AKAP13: variants seen among roughly 807,000 people sequenced by gnomAD.
The protein encoded by AKAP13 is A-kinase anchor protein 13.
A neutral mutation model predicts 264.5 loss-of-function variants in AKAP13; 80 were observed. That is an observed-to-expected ratio of 0.30 (90% CI 0.25 to 0.36). The LOEUF (loss-of-function observed/expected upper bound fraction) is 0.36, where lower values mean the gene tolerates loss of function less well. Ranked by LOEUF, AKAP13 falls within the 10% of genes least tolerant of loss-of-function variation. The pLI, the probability that AKAP13 is intolerant of heterozygous loss-of-function variation, is 1.00. For missense variants in AKAP13, 3,712 were observed against 3,435.2 expected (o/e 1.08, Z -2.01); for synonymous variants, 1,380 against 1,250.2 (o/e 1.10, Z -2.19).
At chr15:85,406,065 T>A (rs2071646464) in intron 1 of AKAP13, among the ~76,000 whole-genome samples, 1 of 152,220 alleles carries the variant, frequency 6.6e-6, no homozygotes, top group South Asian at 2.1e-4. Flanking sequence ...TTGCCCAGGC[T>A]GGTTTCAAAC....
At chr15:85,394,794 C>A (rs1343508242) in intron 1 of AKAP13, among the ~76,000 whole-genome samples, 1 of 152,160 alleles carries the variant, frequency 6.6e-6, no homozygotes, top group Non-Finnish European at 1.5e-5. Flanking sequence ...ATGGTATTTG[C>A]TGACTCACCT....
At chr15:85,551,798 A>T (rs1208911179) in intron 5 of AKAP13, among the ~76,000 whole-genome samples, 2 of 152,226 alleles carry the variant, frequency 1.3e-5, no homozygotes, top group Admixed American at 6.5e-5. Context: ...ACAGACCTGG[A>T]GTATAGGGCT....
chr15:85,651,047 G>A (rs2082814403), intron 10 of AKAP13, among the ~76,000 whole-genome samples: 1 of 151,920 alleles, frequency 6.6e-6, no homozygotes, highest in Non-Finnish European at 1.5e-5. Flanking sequence ...TAGTATTTTG[G>A]CAATATTAAG....
At chr15:85,415,020 C>T (rs1014847714) in intron 1 of AKAP13, among the ~76,000 whole-genome samples, 5 of 151,994 alleles carry the variant, frequency 3.3e-5, no homozygotes, top group Admixed American at 2.6e-4. Flanking sequence ...GTTGGGTTTT[C>T]TATGTTGGAG....
chr15:85,700,376 C>G (rs1309630617), intron 17 of AKAP13, among the ~76,000 whole-genome samples: 2 of 152,184 alleles, frequency 1.3e-5, no homozygotes, highest in Admixed American at 6.5e-5. Context: ...TAGGACACCA[C>G]AAGTTATTAG....
chr15:85,650,779 AAAAAAAAAAAACAAC>A (rs1388242978), intron 10 of AKAP13, among the ~76,000 whole-genome samples: 14 of 145,946 alleles, frequency 9.6e-5, no homozygotes, highest in Non-Finnish European at 2.1e-4. Flanking sequence ...AAAAAAAAAA[AAAAAAAAAAAACAAC>A]AAAAACTGCA....
At chr15:85,658,362 T>C (rs1353746333) in intron 11 of AKAP13, among the ~76,000 whole-genome samples, 175 bp from the exon 12 acceptor site, 12 of 152,186 alleles carry the variant, frequency 7.9e-5, no homozygotes. Context: ...CCACAGAAAC[T>C]GTCAGGCCCT....
intron 1 of AKAP13, among the ~76,000 whole-genome samples, chr15:85,397,677 A>G (rs934371142): frequency 6.6e-6 from 1 of 152,190 alleles, no homozygotes; most frequent in Non-Finnish European, 1.5e-5. Context: ...TTACCAGAAA[A>G]GGAAATTGAA....
intron 1 of AKAP13, among the ~76,000 whole-genome samples, chr15:85,470,779 A>C (rs1378407130): frequency 6.6e-6 from 1 of 152,218 alleles, no homozygotes; most frequent in Admixed American, 6.5e-5. Flanking sequence ...AAGCATTGAC[A>C]GTGAAGAGAG....
rs527358727 is a variant in AKAP13 at position 85,385,843 on chromosome 15, C to A, written c.-12+5045C>A. On this transcript the variant is annotated intron_variant, in intron 1 of 36. Coordinates refer to ENST00000394518, the MANE Select transcript of AKAP13 (RefSeq NM_007200.5). ...AATGTCTTTTTTTGTTTGTTTGTTT[C>A]GAGATGGAGTTTGGCTCTGTCACCT... Among the ~76,000 whole-genome samples, 3 of 151,944 alleles carry A rather than the reference C, an allele frequency of 2.0e-5. No homozygotes were observed. In the East Asian group the frequency reaches 5.8e-4, roughly 29 times the overall value.
intron 17 of AKAP13, 77 bp downstream of exon 17, chr15:85,693,528 C>T (rs1702221694): frequency 1.0e-5 from 16 of 1,570,464 alleles, no homozygotes; most frequent in Non-Finnish European, 1.4e-5. Context: ...TTCCTGTCCC[C>T]ACTCATTATC....
At chr15:85,565,010 A>G (rs1210706474) in intron 5 of AKAP13, among the ~76,000 whole-genome samples, 1 of 152,206 alleles carries the variant, frequency 6.6e-6, no homozygotes, top group Non-Finnish European at 1.5e-5. Context: ...AGGATGTTTA[A>G]AAACAATATT....
At chr15:85,662,342 T>G in intron 12 of AKAP13, 1 of 1,602,688 alleles carries the variant, frequency 6.2e-7, no homozygotes, top group Non-Finnish European at 8.5e-7. Flanking sequence ...TCCTGTTTCC[T>G]CTTTTCTCCC....
chr15:85,438,359 G>C (rs866294660), intron 1 of AKAP13, among the ~76,000 whole-genome samples: 2 of 150,750 alleles, frequency 1.3e-5, no homozygotes, highest in Non-Finnish European at 2.9e-5. Flanking sequence ...TCATGGGTAG[G>C]AAGAATCAAT....
intron 19 of AKAP13, among the ~76,000 whole-genome samples, chr15:85,713,418 C>T (rs570577639): frequency 8.1e-4 from 124 of 152,272 alleles, no homozygotes; most frequent in African/African-American, 2.9e-3. Flanking sequence ...CATCCACATC[C>T]TTGCAATTCT....
chr15:85,424,272 T>C (rs2072662192), intron 1 of AKAP13, among the ~76,000 whole-genome samples: 1 of 152,202 alleles, frequency 6.6e-6, no homozygotes, highest in South Asian at 2.1e-4. Flanking sequence ...TGAAAATCTG[T>C]TGTTTAGTGT....
At chr15:85,505,304 C>T (rs1014772050) in intron 2 of AKAP13, among the ~76,000 whole-genome samples, 1 of 152,144 alleles carries the variant, frequency 6.6e-6, no homozygotes, top group African/African-American at 2.4e-5. Context: ...ATAGGTGGTG[C>T]CTGGACATCT....
intron 8 of AKAP13, among the ~76,000 whole-genome samples, chr15:85,633,544 T>TC (rs2081947143): frequency 7.6e-6 from 1 of 131,300 alleles, no homozygotes; most frequent in Non-Finnish European, 1.6e-5. Context: ...TCTTTTTTTT[T>TC]TTTTTTTTTT....
At chr15:85,648,171 G>C (rs189375961) in intron 10 of AKAP13, among the ~76,000 whole-genome samples, 1 of 152,284 alleles carries the variant, frequency 6.6e-6, no homozygotes, top group East Asian at 1.9e-4. Flanking sequence ...AGATTAGATA[G>C]TATCTCTAAG....
Sources: allele counts gnomAD v4.1 joint callset (sites outside exome capture counted in the v4.1 genomes callset), GRCh38; gene constraint gnomAD v4.1.1; transcripts MANE v1.5; gene names NCBI Gene and HGNC (gene_info 2026-07-23, HGNC 2026-07-21).